ERICH1: variants seen among roughly 807,000 people sequenced by gnomAD.
ERICH1 encodes the protein glutamate-rich protein 1.
In ERICH1, 56 loss-of-function variants were observed where a neutral mutation model predicts 39.6. The ratio of observed to expected loss-of-function variants is 1.41; its 90% confidence interval spans 1.14 to 1.77. The LOEUF (loss-of-function observed/expected upper bound fraction) is 1.77. ERICH1 is among the 40% of genes most tolerant of loss of function. The probability of loss-of-function intolerance (pLI) is 0.00; values close to 1 mark genes in which losing one functional copy is unlikely to be tolerated. For synonymous variants in ERICH1, 313 were observed against 223.6 expected, an observed-to-expected ratio of 1.40 and a Z score of -3.57; for missense variants, 826 against 575.4, an observed-to-expected ratio of 1.44 and a Z score of -4.45.
chr8:700,239 G>T (rs1248070130), intron 2 of ERICH1, among the ~76,000 whole-genome samples: 5 of 59,260 alleles, frequency 8.4e-5, no homozygotes, highest in Non-Finnish European at 1.4e-4. Context: ...GCACAGGCCC[G>T]CACAGGCCCG....
Position 622,085 on chromosome 8 carries a change from T to C in ERICH1, c.977-6801A>G, listed in dbSNP as rs1050014199. 2.0e-5 allele frequency among the ~76,000 whole-genome samples: 3 copies of C among 152,070 alleles called. No individual in the cohort carries two copies. In the East Asian group the frequency reaches 5.8e-4, roughly 29 times the overall value. On this transcript the variant is annotated intron_variant, in intron 3 of 3. Transcript: ENST00000522706. ...AATGAAAAAAATTAACCAAGCGTGG[T>C]GGCATGTGCACCTGTAGTCTTAGCT...
At chr8:622,951 G>A (rs1797374287) in intron 3 of ERICH1, among the ~76,000 whole-genome samples, 2 of 75,026 alleles carry the variant, frequency 2.7e-5, no homozygotes, top group South Asian at 4.6e-4. Flanking sequence ...GAGGAGATCC[G>A]CTCTCAATAA....
In ERICH1 at chr8:664,376, G is replaced by C. The variant is rs971696954; in HGVS notation, c.*227C>G. 30 of 1,174,662 alleles carry C rather than the reference G, an allele frequency of 2.6e-5. No individual in the cohort carries two copies. The highest frequency in any genetic ancestry group is 4.7e-5 in the African/African-American group (3 of 63,346). 72.8% of individuals were successfully genotyped at this position (1,174,662 alleles called of 1,614,324 possible). ...GAGAAACAGAATCAAGTTTTATGTA[G>C]TAATTCAAGATATATATAATTGCAA... is the stretch of plus-strand genomic sequence containing the variant. On this transcript the variant is annotated 3_prime_UTR_variant, in exon 6 of 6. Transcript: ENST00000262109.
At position 652,695 on chromosome 8, in the gene ERICH1, T is replaced by C. The variant is rs575915797; in HGVS notation, c.976+15903A>G. On this transcript the variant is annotated intron_variant, in intron 3 of 3. Transcript: ENST00000522706. The stretch of plus-strand genomic sequence containing the variant: ...GGAGATGCCTCAGGCTCAGAGAATT[T>C]AAGCTACTTGGAGAGACCAGGGGCA... Among the ~76,000 whole-genome samples, 48 of 152,298 alleles carry C rather than the reference T, an allele frequency of 3.2e-4. No homozygotes were observed. The South Asian group carries it at 1.0e-2, about 32-fold the overall frequency.
chr8:670,635 G>C (rs1474849879), intron 4 of ERICH1, among the ~76,000 whole-genome samples: 2 of 152,168 alleles, frequency 1.3e-5, no homozygotes, highest in Admixed American at 6.5e-5. Flanking sequence ...TGGCCAAGAG[G>C]CTCCTATGTT....
At chr8:706,232 T>C (rs1813243478) in intron 2 of ERICH1, among the ~76,000 whole-genome samples, 1 of 152,086 alleles carries the variant, frequency 6.6e-6, no homozygotes, top group Non-Finnish European at 1.5e-5. Flanking sequence ...ACATAGAAAA[T>C]CTAAGAAATC....
chr8:707,544 G>T (rs1231916832), intron 2 of ERICH1, among the ~76,000 whole-genome samples: 1 of 152,096 alleles, frequency 6.6e-6, no homozygotes, highest in Non-Finnish European at 1.5e-5. Context: ...TCCACTTGAT[G>T]GGGAAATGAT....
chr8:693,996 T>C (rs1300442194), intron 2 of ERICH1, among the ~76,000 whole-genome samples: 3 of 152,258 alleles, frequency 2.0e-5, no homozygotes, highest in African/African-American at 4.8e-5. Flanking sequence ...TCTTCCTTTT[T>C]TCATGCAGAA....
chr8:715,632 A>T (rs1228204805), intron 2 of ERICH1, among the ~76,000 whole-genome samples: 1 of 152,176 alleles, frequency 6.6e-6, no homozygotes. Flanking sequence ...CACACAAGTA[A>T]ATGACCCCAA....
chr8:676,495 G>GCCCCTCGTGAGGACAGAGACGCGGCGA (rs1804826838), intron 3 of ERICH1, among the ~76,000 whole-genome samples: 1 of 132,642 alleles, frequency 7.5e-6, no homozygotes, highest in African/African-American at 2.8e-5. Context: ...AGACGCGGCG[G>GCCCCTCGTGAGGACAGAGACGCGGCGA]CCCCTCGTGA....
At chr8:627,355 G>C (rs1797649626) in intron 3 of ERICH1, 1 of 387,134 alleles carries the variant, frequency 2.6e-6, no homozygotes, top group African/African-American at 2.1e-5. Flanking sequence ...CCCATTCCTG[G>C]ACAGGAAAAG....
intron 3 of ERICH1, among the ~76,000 whole-genome samples, chr8:655,903 C>T (rs933097767): frequency 1.3e-5 from 2 of 152,158 alleles, no homozygotes; most frequent in South Asian, 4.1e-4. Flanking sequence ...GGTGCAGAGA[C>T]CGCCCATCCA....
Position 664,499 on chromosome 8 carries a change from T to C in ERICH1, c.*104A>G, listed in dbSNP as rs1432940318. ...AAACACGTGAATAAATAATATGGCA[T>C]AAATGTCTTTCAAGTTCCCAGAGAA... On this transcript the variant is annotated 3_prime_UTR_variant, in exon 6 of 6. Coordinates refer to ENST00000262109, the MANE Select transcript of ERICH1 (RefSeq NM_207332.3). 1 of 1,406,810 alleles carries C rather than the reference T, an allele frequency of 7.1e-7. No homozygotes were observed. The highest frequency in any genetic ancestry group is 1.4e-5 in the African/African-American group (1 of 70,240). 87.1% of individuals were successfully genotyped at this position (1,406,810 alleles called of 1,614,324 possible).
Position 673,364 on chromosome 8 carries a change from C to T in ERICH1, c.988G>A (p.Asp330Asn). 1 of 1,614,226 alleles carries T rather than the reference C, an allele frequency of 6.2e-7. No individual in the cohort carries two copies. ...TGTGCCTTTTCATTGGTAATTGTAT[C>T]ATCTTCCTCGCTGGCGTCTGCACCG... Reference protein sequence around the residue: ...EDGADASEEDDTITNEKAHSI... With the variant: ...EDGADASEEDNTITNEKAHSI... Residue 330 changes from aspartate to asparagine, a missense_variant, in exon 4 of 6, where the codon GAT becomes AAT. By Grantham distance (23) the Asp-to-Asn change is conservative (BLOSUM62 1). Transcript: ENST00000262109.
At position 692,593 on chromosome 8, in the gene ERICH1, C is replaced by A; in HGVS notation, c.189G>T (p.Pro63=). The part of the protein sequence containing the change: ...EPLTDTGSET[P]TARRLYTASG... Reference sequence around the variant, plus strand: ...TGGCAGTGTAGAGCCGTCGGGCAGTCGGGGTCTCAGAGCCAGTGTCTGCAA... The same window carrying A: ...TGGCAGTGTAGAGCCGTCGGGCAGTAGGGGTCTCAGAGCCAGTGTCTGCAA... Residue 63 remains proline, a synonymous_variant, in exon 3 of 6, where the codon CCG becomes CCT. Transcript: ENST00000262109. 1.2e-6 allele frequency: 2 copies of A among 1,603,982 alleles called. No individual in the cohort carries two copies. The highest frequency in any genetic ancestry group is 1.7e-6 in the Non-Finnish European group (2 of 1,174,306).
chr8:649,833 G>A (rs1251091957), intron 3 of ERICH1, among the ~76,000 whole-genome samples: 1 of 152,242 alleles, frequency 6.6e-6, no homozygotes, highest in African/African-American at 2.4e-5. Flanking sequence ...GCTGACAGCT[G>A]GGCTCCAGCA....
At chr8:629,914 T>A (rs1225534065) in intron 3 of ERICH1, among the ~76,000 whole-genome samples, 13 of 107,480 alleles carry the variant, frequency 1.2e-4, no homozygotes, top group African/African-American at 3.7e-4. Flanking sequence ...CAGAGCTGAC[T>A]CACACCCTCC....
At chr8:712,620 G>T (rs1703952) in intron 2 of ERICH1, among the ~76,000 whole-genome samples, 9 of 151,884 alleles carry the variant, frequency 5.9e-5, no homozygotes, top group African/African-American at 2.2e-4. Context: ...TAGTAGAGAC[G>T]GGGTTTCTAC....
intron 1 of ERICH1, among the ~76,000 whole-genome samples, chr8:728,720 C>T (rs1431082182): frequency 6.6e-6 from 1 of 152,184 alleles, no homozygotes; most frequent in African/African-American, 2.4e-5. Context: ...CAGAGGCTTG[C>T]AAAGTAGGCC....
Sources: gnomAD v4.1 joint callset for allele counts (sites outside exome capture counted in the v4.1 genomes callset) on GRCh38, gnomAD v4.1.1 for gene constraint, MANE v1.5 for transcripts, NCBI Gene and HGNC (gene_info 2026-07-23, HGNC 2026-07-21) for gene names.